COPS2: variants seen among roughly 807,000 people sequenced by gnomAD.
COPS2 encodes COP9 signalosome complex subunit 2.
Under a neutral mutation model 66.1 loss-of-function variants are expected in COPS2, and 10 were observed. That is an observed-to-expected ratio of 0.15 (90% CI 0.09 to 0.26). COPS2 has a LOEUF of 0.26. Ranked by LOEUF, COPS2 falls within the 10% of genes least tolerant of loss-of-function variation. COPS2 has a pLI of 1.00. For synonymous variants in COPS2, 179 were observed against 171.3 expected (o/e 1.04, Z -0.35); for missense variants, 215 against 513.3 (o/e 0.42, Z 5.62).
intron 3 of COPS2, among the ~76,000 whole-genome samples, chr15:49,142,813 T>C (rs7182449): frequency 0.068 from 10,337 of 152,206 alleles, 741 homozygotes; most frequent in African/African-American, 0.17. Flanking sequence ...TATGAGTTCA[T>C]TCAATAAAAT....
intron 3 of COPS2, 109 bp from the exon 4 acceptor site, chr15:49,139,762 A>C (rs1391128423): frequency 2.5e-5 from 19 of 757,668 alleles, no homozygotes; most frequent in Non-Finnish European, 3.7e-5. Flanking sequence ...TAGTTCATAT[A>C]GTTCCTGATA....
intron 9 of COPS2, among the ~76,000 whole-genome samples, chr15:49,133,511 G>A (rs1357361033): frequency 6.6e-6 from 1 of 152,140 alleles, no homozygotes; most frequent in Non-Finnish European, 1.5e-5. Context: ...AGGTGCATTC[G>A]TGCGTGCGCA....
In COPS2 at chr15:49,126,238, C is replaced by A. The variant is rs921240623; in HGVS notation, c.*1712G>T. ...GACATTTTGTCTTTTGTTTTCTTTC[C>A]GTTTTCTACAATTTCCAACTTGTAC... On this transcript the variant is annotated 3_prime_UTR_variant, in exon 13 of 13. Coordinates refer to ENST00000388901, the MANE Select transcript of COPS2 (RefSeq NM_004236.4). 6.6e-6 allele frequency: 1 copy of A among 152,186 alleles called. No homozygotes were observed. Among genetic ancestry groups the A allele is most frequent in the East Asian group, 1.9e-4 (1 of 5,186 alleles). The allele number at this position is 152,186 out of a possible 1,614,324, so 9.4% of individuals were successfully genotyped here.
chr15:49,124,086 T>A lies in COPS2; in HGVS notation c.*3864A>T, dbSNP rs1042602960. The A allele has an allele frequency of 1.3e-5, 2 of 152,186 alleles. No homozygotes were observed. Among genetic ancestry groups the A allele is most frequent in the African/African-American group, 4.8e-5 (2 of 41,432 alleles). The allele number at this position is 152,186 out of a possible 1,614,324, so 9.4% of individuals were successfully genotyped here. A position where few individuals can be genotyped will look rare whatever the true frequency, so the allele number is the denominator to read the frequency against. ...TCTGCCAAATTCCTGCTTAAAACTGTATCAGGCTGGGCGTGGTGGCTCACG... is the reference window on the plus strand; with the variant it reads ...TCTGCCAAATTCCTGCTTAAAACTGAATCAGGCTGGGCGTGGTGGCTCACG... On this transcript the variant is annotated 3_prime_UTR_variant, in exon 13 of 13. Transcript: ENST00000388901.
chr15:49,133,697 T>C, intron 9 of COPS2, 62 bp downstream of exon 9: 1 of 1,174,294 alleles, frequency 8.5e-7, no homozygotes, highest in Middle Eastern at 2.9e-4. Context: ...AAAAGTTTTC[T>C]CACTCTTTCC....
intron 6 of COPS2, among the ~76,000 whole-genome samples, chr15:49,135,397 A>C (rs1032979517): frequency 1.3e-5 from 2 of 152,176 alleles, no homozygotes; most frequent in South Asian, 4.1e-4. Context: ...CAAAGTTAAA[A>C]AAGCCAAGGT....
Position 49,144,281 on chromosome 15 carries a change from T to A in COPS2, c.192A>T (p.Lys64Asn). The A allele has an allele frequency of 6.2e-7, 1 of 1,606,038 alleles. No homozygotes were observed. Among genetic ancestry groups the A allele is most frequent in the South Asian group, 1.1e-5 (1 of 90,520 alleles). The change falls in exon 3 of 13, where the codon AAA becomes AAT. Residue 64 changes from lysine to asparagine, a missense_variant. Coordinates refer to ENST00000388901, the MANE Select transcript of COPS2 (RefSeq NM_004236.4). ...TCAGTGCTTTAAATCCCCATTCTCC[T>A]TTTTCACCTTCAAGTTCCAAAACCT... ...FQKVLELEGEKGEWGFKALKQ... is the reference protein window; with the variant it reads ...FQKVLELEGENGEWGFKALKQ...
At chr15:49,148,924 A>G (rs1227466163) in intron 1 of COPS2, among the ~76,000 whole-genome samples, 1 of 152,232 alleles carries the variant, frequency 6.6e-6, no homozygotes, top group East Asian at 1.9e-4. Context: ...GGAAATCTAG[A>G]AGTATTGAGT....
At position 49,122,879 on chromosome 15, in the gene COPS2, A is replaced by T. The variant is rs1005340357; in HGVS notation, c.*5071T>A. 6.6e-6 allele frequency: 1 copy of T among 152,214 alleles called. No individual in the cohort carries two copies. Among genetic ancestry groups the T allele is most frequent in the African/African-American group, 2.4e-5 (1 of 41,456 alleles). 9.4% of individuals were successfully genotyped at this position (152,214 alleles called of 1,614,324 possible). A position where few individuals can be genotyped will look rare whatever the true frequency, so the allele number is the denominator to read the frequency against. On this transcript the variant is annotated 3_prime_UTR_variant, in exon 13 of 13. Transcript: ENST00000388901. ...ATTGGTGGAACTGACCATTTCAGGC[A>T]GACATCCTGTTACATTCCTAATCAC...
At chr15:49,131,774 T>A (rs1022404907) in intron 9 of COPS2, among the ~76,000 whole-genome samples, 1 of 152,158 alleles carries the variant, frequency 6.6e-6, no homozygotes, top group Admixed American at 6.6e-5. Flanking sequence ...CACAAACATT[T>A]GTTTTATATT....
At chr15:49,144,387 A>C (rs2141130734) in intron 2 of COPS2, 83 bp from the exon 3 acceptor site, 2 of 766,796 alleles carry the variant, frequency 2.6e-6, no homozygotes, top group South Asian at 3.1e-5. Flanking sequence ...GTATTGAATT[A>C]ATTTTATACT....
Position 49,130,779 on chromosome 15 carries a change from T to A in COPS2, c.985A>T (p.Ile329Phe), listed in dbSNP as rs1439764650. The A allele has an allele frequency of 6.2e-7, 1 of 1,602,194 alleles. No individual in the cohort carries two copies. The highest frequency in any genetic ancestry group is 1.7e-5 in the Admixed American group (1 of 59,814). ...QNNDITEFEK[I>F]LKTNHSNIMD... ...ATGTTGCTGTGATTTGTTTTTAGAA[T>A]CTTTTCAAATTCAGTGATGTCATTA... Residue 329 changes from isoleucine (I) to phenylalanine (F), a missense_variant, in exon 10 of 13, where the codon ATT becomes TTT. Around this residue, in one of 5 missense-constraint regions of COPS2, gnomAD observed 56 missense variants for 173.6 expected, o/e 0.32. Coordinates refer to ENST00000388901, the MANE Select transcript of COPS2 (RefSeq NM_004236.4).
chr15:49,134,649 A>G lies in COPS2; in HGVS notation c.541-135T>C, dbSNP rs376601898. 227 of 666,520 alleles carry G rather than the reference A, an allele frequency of 3.4e-4. 1 individual carries two copies. The African/African-American group carries it at 3.9e-3, about 11-fold the overall frequency. 41.3% of individuals were successfully genotyped at this position (666,520 alleles called of 1,614,324 possible). On this transcript the variant is annotated intron_variant, in intron 6 of 12. Transcript: ENST00000388901. Reference sequence around the variant, plus strand: ...AACACAAATTTTAATTGGGAGCTACAGTACTAAGAATACCACTTGTAATGG... The same window carrying G: ...AACACAAATTTTAATTGGGAGCTACGGTACTAAGAATACCACTTGTAATGG...
chr15:49,137,991 G>C (rs2084265732), intron 4 of COPS2: 2 of 152,228 alleles, frequency 1.3e-5, no homozygotes, highest in Admixed American at 6.5e-5. Flanking sequence ...AAGCATGCTG[G>C]TGAAGAAACA....
In COPS2 at chr15:49,126,528, A is replaced by G. The variant is rs529913188; in HGVS notation, c.*1422T>C. The G allele has an allele frequency of 6.6e-6, 1 of 152,644 alleles. No individual in the cohort carries two copies. Among genetic ancestry groups the G allele is most frequent in the African/African-American group, 2.4e-5 (1 of 41,550 alleles). 9.5% of individuals were successfully genotyped at this position (152,644 alleles called of 1,614,324 possible). A position where few individuals can be genotyped will look rare whatever the true frequency, so the allele number is the denominator to read the frequency against. On this transcript the variant is annotated 3_prime_UTR_variant, in exon 13 of 13. Coordinates refer to ENST00000388901, the MANE Select transcript of COPS2 (RefSeq NM_004236.4). The stretch of plus-strand genomic sequence containing the variant: ...ACCCAGTTTTTACATAATAATAACA[A>G]GCAATAGAAAAACCAAAGAAATTAT...
Position 49,155,567 on chromosome 15 carries a change from C to T in COPS2, c.12G>A (p.Met4Ile). 1 of 1,614,210 alleles carries T rather than the reference C, an allele frequency of 6.2e-7. No individual in the cohort carries two copies. Among genetic ancestry groups the T allele is most frequent in the Non-Finnish European group, 8.5e-7 (1 of 1,180,032 alleles). The change falls in exon 1 of 13, where the codon ATG (methionine) becomes ATA (isoleucine). Residue 4 changes from methionine (M) to isoleucine (I), a missense_variant. Coordinates refer to ENST00000388901, the MANE Select transcript of COPS2 (RefSeq NM_004236.4). ...CATCATCGCACATGAAATCATCCTC[C>T]ATGTCAGACATCTTGGCCGGGAGGG... MSD[M>I]EDDFMCDDEE...
intron 8 of COPS2, 47 bp from the exon 9 acceptor site, chr15:49,133,858 C>T (rs771313393): frequency 6.5e-7 from 1 of 1,541,894 alleles, no homozygotes; most frequent in Admixed American, 2.1e-5. Context: ...AAAGAAACAA[C>T]ATTTTAAAAA....
intron 10 of COPS2, among the ~76,000 whole-genome samples, chr15:49,130,375 T>C (rs942368132): frequency 1.3e-5 from 2 of 152,174 alleles, no homozygotes; most frequent in Non-Finnish European, 2.9e-5. Flanking sequence ...TTCATAACTT[T>C]TGTTATTTGT....
At chr15:49,146,989 C>T (rs191845077) in intron 1 of COPS2, among the ~76,000 whole-genome samples, 109 of 152,166 alleles carry the variant, frequency 7.2e-4, no homozygotes, top group African/African-American at 2.4e-3. Flanking sequence ...TCTCTCTTTC[C>T]ACCTCTACCT....
Sources: allele counts gnomAD v4.1 joint callset (sites outside exome capture counted in the v4.1 genomes callset), GRCh38; gene constraint gnomAD v4.1.1; regional missense constraint gnomAD v4.1.1; transcripts MANE v1.5; gene names NCBI Gene and HGNC (gene_info 2026-07-23, HGNC 2026-07-21).